Variants in EFCAB8 observed in about 807,000 individuals in gnomAD.
EFCAB8 encodes the protein EF-hand calcium-binding domain-containing protein 8.
Under a neutral mutation model 116.3 loss-of-function variants are expected in EFCAB8, and 100 were observed. The observed-to-expected ratio is 0.86, with a 90% CI of 0.73 to 1.02. EFCAB8 has a LOEUF of 1.02. EFCAB8 is among the 50% of genes least tolerant of loss of function. The pLI is 0.00. For synonymous variants in EFCAB8, 558 were observed against 567.9 expected, an observed-to-expected ratio of 0.98 and a Z score of 0.25; for missense variants, 1,320 against 1,416.9, an observed-to-expected ratio of 0.93 and a Z score of 1.10.
rs576788199 is a variant in EFCAB8 at position 32,961,322 on chromosome 20, G to A, written c.3580G>A (p.Ala1194Thr). 87 of 1,496,298 alleles carry A rather than the reference G, an allele frequency of 5.8e-5. No homozygotes were observed. The South Asian group carries it at 1.1e-3, about 19-fold the overall frequency. 92.7% of individuals were successfully genotyped at this position (1,496,298 alleles called of 1,614,324 possible). A position where few individuals can be genotyped will look rare whatever the true frequency, so the allele number is the denominator to read the frequency against. Residue 1194 changes from alanine to threonine, a missense_variant, in exon 27 of 27, where the codon GCG (alanine) becomes ACG (threonine). Transcript: ENST00000400522. ...AVLDTTDSTP[A>T]AASSPSSLLS... The stretch of plus-strand genomic sequence containing the variant: ...GCTGGATACCACGGACAGCACGCCT[G>A]CGGCCGCCTCCTCCCCATCTTCCTT...
intron 6 of EFCAB8, among the ~76,000 whole-genome samples, chr20:32,887,350 C>T (rs1342137561): frequency 2.0e-5 from 3 of 152,094 alleles, no homozygotes; most frequent in African/African-American, 4.8e-5. Flanking sequence ...CTGAGGCAGG[C>T]GGATCACTTG....
intron 22 of EFCAB8, among the ~76,000 whole-genome samples, chr20:32,931,936 A>T (rs1013766094): frequency 6.6e-6 from 1 of 152,232 alleles, no homozygotes; most frequent in Non-Finnish European, 1.5e-5. Flanking sequence ...AAGAAGTCAG[A>T]CCCAGAAGAA....
At chr20:32,933,588 C>G (rs1002186202) in intron 22 of EFCAB8, among the ~76,000 whole-genome samples, 1 of 152,334 alleles carries the variant, frequency 6.6e-6, no homozygotes, top group Non-Finnish European at 1.5e-5. Flanking sequence ...AAACTTGGTA[C>G]CCCTTTGACC....
intron 21 of EFCAB8, 30 bp downstream of exon 21, chr20:32,930,646 G>T: frequency 1.3e-6 from 2 of 1,544,272 alleles, no homozygotes; most frequent in Non-Finnish European, 1.8e-6. Context: ...AAGATTGAGG[G>T]GCTGGTGCCA....
intron 4 of EFCAB8, among the ~76,000 whole-genome samples, chr20:32,877,272 G>GCC (rs1284672534): frequency 7.1e-6 from 1 of 140,014 alleles, no homozygotes; most frequent in Non-Finnish European, 1.5e-5. Context: ...GCAATGGCAC[G>GCC]ATCTTGGCTC....
chr20:32,885,713 A>G (rs547224527), intron 6 of EFCAB8, 73 bp downstream of exon 6: 2 of 1,519,190 alleles, frequency 1.3e-6, no homozygotes, highest in African/African-American at 2.8e-5. Flanking sequence ...CCCATGGTGA[A>G]GGTGACCTGG....
At chr20:32,898,449 T>C (rs1430114371) in intron 10 of EFCAB8, 44 bp from the exon 11 acceptor site, 2 of 703,702 alleles carry the variant, frequency 2.8e-6, no homozygotes, top group Admixed American at 2.0e-5. Context: ...GCCTAGAAAG[T>C]TGTCCTTGGG....
rs927598110 is a variant in EFCAB8 at position 32,929,388 on chromosome 20, A to T, written c.2413-1010A>T. 4.6e-5 allele frequency among the ~76,000 whole-genome samples: 7 copies of T among 150,892 alleles called. No individual in the cohort carries two copies. In the South Asian group the frequency reaches 1.5e-3, roughly 32 times the overall value. ...AAGCAGGTTGAACAACTAATTTCGG[A>T]TTTCTACAACAATAAGGATAATTGA... On this transcript the variant is annotated intron_variant, in intron 20 of 26. Transcript: ENST00000400522.
rs971617406 is a variant in EFCAB8 at position 32,896,449 on chromosome 20, A to G, written c.884-5A>G. 4 of 718,818 alleles carry G rather than the reference A, an allele frequency of 5.6e-6. No individual in the cohort carries two copies. Among genetic ancestry groups the G allele is most frequent in the African/African-American group, 1.7e-5 (1 of 57,362 alleles). The allele number at this position is 718,818 out of a possible 1,614,324, so 44.5% of individuals were successfully genotyped here. Reference sequence around the variant, plus strand: ...GATGTGGACCTTGGTTTTTTCCCCTATCAGATCACTGGATCAAAGTTTCCT... The same window carrying G: ...GATGTGGACCTTGGTTTTTTCCCCTGTCAGATCACTGGATCAAAGTTTCCT... On this transcript the variant is annotated splice_polypyrimidine_tract_variant and splice_region_variant and intron_variant, in intron 9 of 26. Transcript: ENST00000400522.
intron 11 of EFCAB8, chr20:32,903,408 C>T (rs1335498847): frequency 6.6e-6 from 1 of 152,296 alleles, no homozygotes; most frequent in Non-Finnish European, 1.5e-5. Flanking sequence ...TGTAAATGTC[C>T]ATCTCCCTTC....
intron 10 of EFCAB8, among the ~76,000 whole-genome samples, chr20:32,897,332 T>G (rs1209560036): frequency 6.6e-6 from 1 of 152,088 alleles, no homozygotes; most frequent in Admixed American, 6.5e-5. Context: ...CTCCAGTGCC[T>G]AAAATAGTAC....
At chr20:32,921,618 A>T (rs1015805880) in intron 20 of EFCAB8, among the ~76,000 whole-genome samples, 7 of 152,052 alleles carry the variant, frequency 4.6e-5, no homozygotes, top group African/African-American at 1.7e-4. Context: ...TAAAAATAAA[A>T]GTCCCCTATA....
intron 23 of EFCAB8, among the ~76,000 whole-genome samples, chr20:32,949,809 G>A (rs1273027438): frequency 6.6e-6 from 1 of 152,202 alleles, no homozygotes; most frequent in Non-Finnish European, 1.5e-5. Context: ...GACCAGCCTG[G>A]CCAACATGGC....
chr20:32,933,072 C>A (rs980382983), intron 22 of EFCAB8, among the ~76,000 whole-genome samples: 4 of 149,738 alleles, frequency 2.7e-5, no homozygotes, highest in African/African-American at 1.0e-4. Flanking sequence ...TATATGCATT[C>A]ATTAATCTCC....
At chr20:32,921,593 A>G (rs549805481) in intron 20 of EFCAB8, among the ~76,000 whole-genome samples, 2 of 152,202 alleles carry the variant, frequency 1.3e-5, no homozygotes, top group East Asian at 3.9e-4. Context: ...AAGGAAGTGT[A>G]TGTAAATGAA....
chr20:32,894,725 G>T (rs1600394325), intron 9 of EFCAB8, among the ~76,000 whole-genome samples: 1 of 152,314 alleles, frequency 6.6e-6, no homozygotes, highest in South Asian at 2.1e-4. Flanking sequence ...CTACTTCCCT[G>T]ATAGCTTTGG....
rs768292907 is a variant in EFCAB8, at chr20:32,867,683, GT to G, written c.147del (p.Phe49LeufsTer9). 2 of 1,551,670 alleles carry G rather than the reference GT, an allele frequency of 1.3e-6. No individual in the cohort carries two copies. The highest frequency in any genetic ancestry group is 1.7e-6 in the Non-Finnish European group (2 of 1,146,998). On this transcript the variant is annotated frameshift_variant, in exon 3 of 27. Coordinates refer to ENST00000400522, the MANE Select transcript of EFCAB8 (RefSeq NM_001143967.2). LOFTEE classifies it high-confidence loss of function. ...VPDLQPGSQLFTEIHLAKIEK... is the reference protein window; with the variant it reads ...VPDLQPGSQLXTEIHLAKIEK... ...CTGACCTCCAGCCTGGGTCCCAGCT[GT>G]TTACTGAGATACACCTGGCCAAGAT...
chr20:32,904,016 T>G (rs1427499818), intron 11 of EFCAB8, among the ~76,000 whole-genome samples: 1 of 151,664 alleles, frequency 6.6e-6, no homozygotes, highest in Non-Finnish European at 1.5e-5. Flanking sequence ...ATGGATTTTT[T>G]GGGTTTTTTT....
intron 2 of EFCAB8, among the ~76,000 whole-genome samples, chr20:32,867,143 C>A (rs1751421908): frequency 1.3e-5 from 2 of 152,174 alleles, no homozygotes; most frequent in African/African-American, 4.8e-5. Flanking sequence ...TGGTCTCAAA[C>A]TCCTGACCTC....
Sources: allele counts gnomAD v4.1 joint callset (sites outside exome capture counted in the v4.1 genomes callset), GRCh38; gene constraint gnomAD v4.1.1; transcripts MANE v1.5; gene names NCBI Gene and HGNC (gene_info 2026-07-23, HGNC 2026-07-21).